The following PRKN variants were observed in gnomAD, a reference collection of about 807,000 sequenced individuals.
PRKN encodes parkin RBR E3 ubiquitin protein ligase, also known as E3 ubiquitin-protein ligase parkin.
Under a neutral mutation model 59.5 loss-of-function variants are expected in PRKN, and 56 were observed. That is an observed-to-expected ratio of 0.94 (90% CI 0.76 to 1.18). The LOEUF is 1.18. PRKN is among the 50% of genes most tolerant of loss of function. PRKN has a pLI of 0.00. For synonymous variants in PRKN, 250 were observed against 222.1 expected (o/e 1.13, Z -1.12); for missense variants, 657 against 596.4 (o/e 1.10, Z -1.06).
intron 2 of PRKN, among the ~76,000 whole-genome samples, chr6:162,376,059 T>C (rs1157010476): frequency 6.6e-6 from 1 of 152,138 alleles, no homozygotes; most frequent in Non-Finnish European, 1.5e-5. Context: ...TCTTCAGCTC[T>C]TCATTCTAAT....
chr6:161,722,985 C>T (rs1787287175), intron 7 of PRKN, among the ~76,000 whole-genome samples: 3 of 152,086 alleles, frequency 2.0e-5, no homozygotes, highest in Non-Finnish European at 4.4e-5. Context: ...ACAGTGCACG[C>T]TGGCTGGGCA....
intron 5 of PRKN, among the ~76,000 whole-genome samples, chr6:162,038,366 C>T (rs1783927654): frequency 6.6e-6 from 1 of 152,128 alleles, no homozygotes; most frequent in African/African-American, 2.4e-5. Context: ...AAAGTCAACA[C>T]ATTATAACAA....
At chr6:162,643,845 T>C (rs1365375500) in intron 1 of PRKN, 1 of 152,254 alleles carries the variant, frequency 6.6e-6, no homozygotes, top group Non-Finnish European at 1.5e-5. Flanking sequence ...ATACTCATTT[T>C]ACTTCGTGTA....
chr6:162,156,262 CA>C (rs560476497), intron 4 of PRKN, among the ~76,000 whole-genome samples: 22 of 152,246 alleles, frequency 1.4e-4, no homozygotes, highest in African/African-American at 5.1e-4. Context: ...ATGTGTTAGT[CA>C]GGGTTCCCTG....
chr6:162,419,802 G>A (rs200821933), intron 2 of PRKN, among the ~76,000 whole-genome samples: 15 of 95,564 alleles, frequency 1.6e-4, no homozygotes, highest in Middle Eastern at 4.7e-3. Flanking sequence ...ACAGGGACAG[G>A]GACAGAGAAA....
intron 2 of PRKN, among the ~76,000 whole-genome samples, chr6:162,281,904 A>G (rs1288853382): frequency 6.6e-6 from 1 of 152,102 alleles, no homozygotes; most frequent in Non-Finnish European, 1.5e-5. Context: ...TGGTTTGTGG[A>G]TGAAACTGGT....
chr6:161,434,754 G>A (rs1189884524), intron 9 of PRKN, among the ~76,000 whole-genome samples: 1 of 152,116 alleles, frequency 6.6e-6, no homozygotes, highest in Admixed American at 6.6e-5. Context: ...AAAGTTTAAC[G>A]CAATTTGAAA....
intron 1 of PRKN, 33 bp from the exon 2 acceptor site, chr6:162,443,506 G>C (rs1790163539): frequency 6.2e-7 from 1 of 1,607,516 alleles, no homozygotes; most frequent in Non-Finnish European, 8.5e-7. Flanking sequence ...AGAAGAGAAA[G>C]TGAGCATCAC....
intron 7 of PRKN, among the ~76,000 whole-genome samples, chr6:161,601,670 C>T (rs1261884955): frequency 8.6e-5 from 13 of 151,608 alleles, no homozygotes; most frequent in South Asian, 4.2e-4. Flanking sequence ...GCAAGCTCCG[C>T]CTCCCAGGTT....
chr6:162,542,498 CAT>C (rs1003633190), intron 1 of PRKN, among the ~76,000 whole-genome samples: 4 of 152,028 alleles, frequency 2.6e-5, no homozygotes, highest in African/African-American at 9.7e-5. Flanking sequence ...TTACATACGG[CAT>C]TTCCACAAGA....
chr6:162,542,024 G>C (rs142721922), intron 1 of PRKN, among the ~76,000 whole-genome samples: 70 of 152,210 alleles, frequency 4.6e-4, no homozygotes, highest in African/African-American at 1.4e-3. Flanking sequence ...GTTTGTTAAG[G>C]TGAAGGTCAA....
chr6:161,776,725 A>C (rs538633416), intron 7 of PRKN, among the ~76,000 whole-genome samples: 1 of 152,160 alleles, frequency 6.6e-6, no homozygotes, highest in Non-Finnish European at 1.5e-5. Context: ...GGGGTTGAAG[A>C]CCACAGCCTA....
chr6:162,258,634 A>G (rs1309469569), intron 3 of PRKN, among the ~76,000 whole-genome samples: 1 of 152,224 alleles, frequency 6.6e-6, no homozygotes, highest in Non-Finnish European at 1.5e-5. Context: ...CGGTGTTAGC[A>G]TCACCTGGGA....
At position 161,883,857 on chromosome 6, in the gene PRKN, C is replaced by T. The variant is rs183491051; in HGVS notation, c.734+89445G>A. On this transcript the variant is annotated intron_variant, in intron 6 of 11. Transcript: ENST00000366898. ...TGGTAGAGACGGGGTTTCACTATGT[C>T]GGCCAGGCTGGTCTCAAACTCCTGA... 2.2e-3 allele frequency among the ~76,000 whole-genome samples: 329 copies of T among 151,872 alleles called. 2 individuals are homozygous for T. Among genetic ancestry groups the T allele is most frequent in the South Asian group, 0.013 (64 of 4,804 alleles).
At position 162,694,383 on chromosome 6, in the gene PRKN, G is replaced by A. The variant is rs570492865; in HGVS notation, c.7+33279C>T. Among the ~76,000 whole-genome samples, 93 of 152,240 alleles carry A rather than the reference G, an allele frequency of 6.1e-4. 1 individual carries two copies. In the South Asian group the frequency reaches 9.7e-3, roughly 16 times the overall value. ...TAACTGTGGCAATCCAGCAGAATGCGAGGCCTTCAGAAGCAGAGCTAAATA... is the reference window on the plus strand; with the variant it reads ...TAACTGTGGCAATCCAGCAGAATGCAAGGCCTTCAGAAGCAGAGCTAAATA... On this transcript the variant is annotated intron_variant, in intron 1 of 11. Coordinates refer to ENST00000366898, the MANE Select transcript of PRKN (RefSeq NM_004562.3).
chr6:161,784,861 G>A (rs1383557622), intron 7 of PRKN, among the ~76,000 whole-genome samples: 1 of 152,142 alleles, frequency 6.6e-6, no homozygotes, highest in African/African-American at 2.4e-5. Context: ...CAACACAAAT[G>A]CCCATCAGCA....
chr6:162,727,721 G>A lies in PRKN; in HGVS notation c.-53C>T, dbSNP rs762055309. The A allele has an allele frequency of 9.1e-6, 14 of 1,544,402 alleles. No homozygotes were observed. The East Asian group carries it at 1.5e-4, about 16-fold the overall frequency. ...CCAGGAACAGGCCCATGCGCGCAGC[G>A]GCGCCAGCCGCGCCTCCCACCAGCG... is the stretch of plus-strand genomic sequence containing the variant. On this transcript the variant is annotated 5_prime_UTR_variant, in exon 1 of 12. Transcript: ENST00000366898.
chr6:161,587,010 T>G (rs1159904832), intron 7 of PRKN, among the ~76,000 whole-genome samples: 1 of 152,222 alleles, frequency 6.6e-6, no homozygotes, highest in African/African-American at 2.4e-5. Context: ...TTCACTGCCT[T>G]GTTTTCACTA....
At chr6:161,874,987 ACTT>A (rs1794654216) in intron 6 of PRKN, among the ~76,000 whole-genome samples, 3 of 70,268 alleles carry the variant, frequency 4.3e-5, no homozygotes, top group South Asian at 4.0e-4. Context: ...TATATTATAT[ACTT>A]TATATATAAT....
Sources: allele counts gnomAD v4.1 joint callset (sites outside exome capture counted in the v4.1 genomes callset), GRCh38; gene constraint gnomAD v4.1.1; transcripts MANE v1.5; gene names NCBI Gene and HGNC (gene_info 2026-07-23, HGNC 2026-07-21).